ADGRL2: variants seen among roughly 807,000 people sequenced by gnomAD.
ADGRL2 encodes adhesion G protein-coupled receptor L2.
In ADGRL2, 44 loss-of-function variants were observed where a neutral mutation model predicts 157.4. The observed-to-expected ratio is 0.28, with a 90% CI of 0.22 to 0.36. The LOEUF is 0.36. Ranked by LOEUF, ADGRL2 falls within the 10% of genes least tolerant of loss-of-function variation. ADGRL2 has a pLI of 1.00. For missense variants in ADGRL2, 1,510 were observed against 1,768.9 expected, an observed-to-expected ratio of 0.85 and a Z score of 2.63; for synonymous variants, 585 against 624.7, an observed-to-expected ratio of 0.94 and a Z score of 0.95.
In ADGRL2 at chr1:81,392,103, A is replaced by T. The variant is rs553778715; in HGVS notation, c.-301-52933A>T. On this transcript the variant is annotated intron_variant, in intron 1 of 24. Coordinates refer to the ADGRL2 transcript ENST00000370721. Reference sequence around the variant, plus strand: ...AATTCTATTGTCCATACTGTCAACCATTATACTGTACTGCCTCCACAGGTA... The same window carrying T: ...AATTCTATTGTCCATACTGTCAACCTTTATACTGTACTGCCTCCACAGGTA... Among the ~76,000 whole-genome samples, 13 of 152,198 alleles carry T rather than the reference A, an allele frequency of 8.5e-5. No homozygotes were observed. In the South Asian group the frequency reaches 2.7e-3, roughly 32 times the overall value.
intron 2 of ADGRL2, among the ~76,000 whole-genome samples, chr1:81,492,119 T>A (rs1389332286): frequency 6.6e-6 from 1 of 152,208 alleles, no homozygotes; most frequent in African/African-American, 2.4e-5. Context: ...TATAACTTTG[T>A]TTCTTTCTAG....
intron 1 of ADGRL2, among the ~76,000 whole-genome samples, chr1:81,386,330 G>A (rs1026545766): frequency 1.3e-5 from 2 of 152,124 alleles, no homozygotes; most frequent in Non-Finnish European, 2.9e-5. Context: ...GCATTCCTTG[G>A]TGTGTGGTAA....
chr1:81,854,473 G>A (rs1390344506), intron 2 of ADGRL2, among the ~76,000 whole-genome samples: 2 of 152,136 alleles, frequency 1.3e-5, no homozygotes, highest in Admixed American at 6.5e-5. Flanking sequence ...ATGTGAACCT[G>A]TACAAGTTAT....
At chr1:81,443,177 T>G (rs1164533812) in intron 1 of ADGRL2, among the ~76,000 whole-genome samples, 1 of 152,148 alleles carries the variant, frequency 6.6e-6, no homozygotes, top group African/African-American at 2.4e-5. Context: ...TCCCAGCACT[T>G]TGGGAGGCCA....
chr1:81,753,330 C>T (rs1010048844), intron 1 of ADGRL2, among the ~76,000 whole-genome samples: 8 of 152,158 alleles, frequency 5.3e-5, no homozygotes, highest in African/African-American at 1.9e-4. Flanking sequence ...TTAAAACCAA[C>T]AGATCTTGAG....
intron 1 of ADGRL2, among the ~76,000 whole-genome samples, chr1:81,400,839 A>T (rs1295627428): frequency 6.6e-6 from 1 of 152,136 alleles, no homozygotes; most frequent in Non-Finnish European, 1.5e-5. Context: ...GAAGTAGAGT[A>T]CTAGAGTTAT....
intron 1 of ADGRL2, among the ~76,000 whole-genome samples, chr1:81,703,631 G>A (rs1022748260): frequency 1.2e-4 from 18 of 152,014 alleles, no homozygotes; most frequent in South Asian, 2.1e-4. Flanking sequence ...CTTTATTCTC[G>A]TACCGAAGAA....
intron 1 of ADGRL2, among the ~76,000 whole-genome samples, chr1:81,385,117 C>A (rs905685856): frequency 6.6e-6 from 1 of 152,082 alleles, no homozygotes; most frequent in Non-Finnish European, 1.5e-5. Flanking sequence ...TGTTCTTCTG[C>A]ACACCTGGAG....
At chr1:81,557,524 A>AGAAG (rs1491365399) in intron 2 of ADGRL2, 32 of 150,244 alleles carry the variant, frequency 2.1e-4, no homozygotes, top group African/African-American at 7.5e-4. Flanking sequence ...AAAGAAAGAA[A>AGAAG]GAGAAGAAAG....
intron 1 of ADGRL2, among the ~76,000 whole-genome samples, chr1:81,743,275 G>A (rs1278280111): frequency 3.3e-5 from 5 of 151,962 alleles, no homozygotes; most frequent in Non-Finnish European, 5.9e-5. Flanking sequence ...TTTGTCTAGA[G>A]TTGGTGCTTT....
chr1:81,310,370 T>C (rs1169541768), intron 1 of ADGRL2, among the ~76,000 whole-genome samples: 1 of 152,188 alleles, frequency 6.6e-6, no homozygotes, highest in Non-Finnish European at 1.5e-5. Flanking sequence ...CTCATAGGTA[T>C]CTGATTCAAA....
chr1:81,521,669 A>G (rs2079317924), intron 2 of ADGRL2, among the ~76,000 whole-genome samples: 1 of 152,186 alleles, frequency 6.6e-6, no homozygotes, highest in African/African-American at 2.4e-5. Flanking sequence ...ATGCTTCATA[A>G]TTTTTGGTTT....
chr1:81,461,147 TTC>T (rs1384884910), intron 2 of ADGRL2, among the ~76,000 whole-genome samples: 4 of 152,214 alleles, frequency 2.6e-5, no homozygotes, highest in Non-Finnish European at 4.4e-5. Context: ...TTCCATTGTT[TTC>T]TCTGTCCTTT....
At chr1:81,572,034 T>C (rs2080705209) in intron 2 of ADGRL2, among the ~76,000 whole-genome samples, 1 of 152,188 alleles carries the variant, frequency 6.6e-6, no homozygotes, top group African/African-American at 2.4e-5. Context: ...TAATTGAAGA[T>C]ATAAAGACTT....
chr1:81,784,340 GAGCA>G (rs2086939062), intron 2 of ADGRL2, among the ~76,000 whole-genome samples: 1 of 152,164 alleles, frequency 6.6e-6, no homozygotes, highest in Admixed American at 6.5e-5. Flanking sequence ...AACTTTTACA[GAGCA>G]AAGTAATCTC....
At chr1:81,938,388 G>A (rs1477267817) in intron 4 of ADGRL2, among the ~76,000 whole-genome samples, 1 of 151,680 alleles carries the variant, frequency 6.6e-6, no homozygotes, top group African/African-American at 2.4e-5. Context: ...ACCAAGAACA[G>A]TGTTAAGCAA....
chr1:81,964,204 A>G (rs777998566), intron 11 of ADGRL2, among the ~76,000 whole-genome samples: 1 of 152,096 alleles, frequency 6.6e-6, no homozygotes, highest in African/African-American at 2.4e-5. Flanking sequence ...TTAAAGTTTG[A>G]TAAGTAAATA....
chr1:81,556,528 A>G (rs1490171882), intron 2 of ADGRL2, among the ~76,000 whole-genome samples: 1 of 151,934 alleles, frequency 6.6e-6, no homozygotes, highest in African/African-American at 2.4e-5. Context: ...AAAAAGATGA[A>G]AAGTCATACA....
At position 81,822,568 on chromosome 1, in the gene ADGRL2, A is replaced by G. The variant is rs1268967058; in HGVS notation, c.-100-14317A>G. On this transcript the variant is annotated intron_variant, in intron 1 of 23. Coordinates refer to ENST00000686636, the MANE Select transcript of ADGRL2 (RefSeq NM_001366006.2). ...TGCTCGGTCATCTAGGCTATAGTGC[A>G]GTGGTACAGTCATAGCTCACTGCAG... 3.3e-5 allele frequency among the ~76,000 whole-genome samples: 5 copies of G among 152,002 alleles called. No homozygotes were observed. The East Asian group carries it at 9.6e-4, about 29-fold the overall frequency.
Sources: allele counts gnomAD v4.1 joint callset (sites outside exome capture counted in the v4.1 genomes callset), GRCh38; gene constraint gnomAD v4.1.1; transcripts MANE v1.5; gene names NCBI Gene and HGNC (gene_info 2026-07-23, HGNC 2026-07-21).